CALN1: variants seen among roughly 807,000 people sequenced by gnomAD.
CALN1 encodes the protein calcium-binding protein 8.
In CALN1, 17 loss-of-function variants were observed where a neutral mutation model predicts 30.6. The ratio of observed to expected loss-of-function variants is 0.56; its 90% CI spans 0.38 to 0.83. The LOEUF (loss-of-function observed/expected upper bound fraction) is 0.83, where lower values mean the gene tolerates loss of function less well. CALN1 is among the 40% of genes least tolerant of loss of function. The probability of loss-of-function intolerance (pLI) is 0.00; values close to 1 mark genes in which losing one functional copy is unlikely to be tolerated. For synonymous variants in CALN1, 156 were observed against 131.4 expected (o/e 1.19, Z -1.28); for missense variants, 291 against 354.9 (o/e 0.82, Z 1.45).
At chr7:71,859,345 T>C (rs1791141132) in intron 5 of CALN1, among the ~76,000 whole-genome samples, 2 of 152,140 alleles carry the variant, frequency 1.3e-5, no homozygotes, top group Admixed American at 6.6e-5. Context: ...TTACAGCCAC[T>C]GTGGGCATCA....
intron 2 of CALN1, among the ~76,000 whole-genome samples, chr7:72,303,353 G>A (rs1195669477): frequency 2.6e-5 from 4 of 151,776 alleles, no homozygotes; most frequent in East Asian, 1.9e-4. Context: ...ATCTGAGGTC[G>A]GGAGTTCAAG....
intron 5 of CALN1, among the ~76,000 whole-genome samples, chr7:71,890,558 A>G (rs1793179324): frequency 6.6e-6 from 1 of 152,132 alleles, no homozygotes; most frequent in Non-Finnish European, 1.5e-5. Flanking sequence ...ACACATGCTC[A>G]TATAAAATAG....
chr7:72,171,388 G>T (rs1788949063), intron 3 of CALN1, among the ~76,000 whole-genome samples: 1 of 152,078 alleles, frequency 6.6e-6, no homozygotes, highest in Non-Finnish European at 1.5e-5. Context: ...GTCTTGACAG[G>T]CTCAGAGAGG....
intron 5 of CALN1, among the ~76,000 whole-genome samples, chr7:71,934,482 G>A (rs940088973): frequency 1.3e-5 from 2 of 152,202 alleles, no homozygotes; most frequent in Admixed American, 6.5e-5. Context: ...GAGACCTCAG[G>A]AAGCTTTTAC....
At chr7:72,503,442 T>G in the CALN1 span, among the ~76,000 whole-genome samples, 1 of 152,048 alleles carries the variant, frequency 6.6e-6, no homozygotes, top group African/African-American at 2.4e-5. Flanking sequence ...TCATAGGATT[T>G]CCACCAATCC....
chr7:72,399,469 C>T (rs1349455158), intron 2 of CALN1, among the ~76,000 whole-genome samples: 2 of 151,912 alleles, frequency 1.3e-5, no homozygotes, highest in Non-Finnish European at 2.9e-5. Context: ...TAGGGCTTCA[C>T]CATGTTGGCC....
intron 1 of CALN1, among the ~76,000 whole-genome samples, chr7:72,442,600 C>T (rs1392567871): frequency 1.3e-5 from 2 of 150,536 alleles, no homozygotes; most frequent in African/African-American, 4.9e-5. Flanking sequence ...TTAAGGGTTG[C>T]GCTTATTTAG....
chr7:72,130,233 T>C (rs967836790), intron 3 of CALN1, among the ~76,000 whole-genome samples: 4 of 152,196 alleles, frequency 2.6e-5, no homozygotes, highest in Admixed American at 2.6e-4. Flanking sequence ...CCTGTTTTCT[T>C]TATAAGCTAC....
chr7:72,254,629 G>A (rs1437869039), intron 3 of CALN1, among the ~76,000 whole-genome samples: 1 of 152,006 alleles, frequency 6.6e-6, no homozygotes, highest in Non-Finnish European at 1.5e-5. Context: ...TCACTCCGTT[G>A]TTTTTTTATT....
intron 4 of CALN1, among the ~76,000 whole-genome samples, chr7:72,101,867 T>G (rs1806692253): frequency 1.3e-5 from 2 of 152,150 alleles, no homozygotes; most frequent in Admixed American, 1.3e-4. Context: ...TGCCTAGAAT[T>G]AAGCTGCTTT....
At chr7:72,288,321 C>A (rs1798239268) in intron 2 of CALN1, among the ~76,000 whole-genome samples, 1 of 152,102 alleles carries the variant, frequency 6.6e-6, no homozygotes, top group African/African-American at 2.4e-5. Flanking sequence ...CTCCATAGGG[C>A]TTCTGAAGTG....
chr7:72,377,458 TGTGTG>T (rs1399339949), intron 2 of CALN1, among the ~76,000 whole-genome samples: 3 of 151,818 alleles, frequency 2.0e-5, no homozygotes, highest in Admixed American at 2.0e-4. Context: ...TGTGTGTGTG[TGTGTG>T]TGTGTGTGTG....
At chr7:71,866,975 T>C in intron 5 of CALN1, among the ~76,000 whole-genome samples, 1 of 151,978 alleles carries the variant, frequency 6.6e-6, no homozygotes, top group African/African-American at 2.4e-5. Context: ...TGAAACCCCG[T>C]CTCTACTAAA....
At chr7:72,294,461 A>G (rs1585390572) in intron 2 of CALN1, among the ~76,000 whole-genome samples, 2 of 152,054 alleles carry the variant, frequency 1.3e-5, no homozygotes, top group African/African-American at 4.8e-5. Flanking sequence ...AAATATAAAG[A>G]AAAACTGCCT....
intron 5 of CALN1, among the ~76,000 whole-genome samples, chr7:71,823,741 A>G (rs1788738842): frequency 6.6e-6 from 1 of 151,008 alleles, no homozygotes; most frequent in South Asian, 2.1e-4. Context: ...AAAAAAAATT[A>G]ATAAAAAGAA....
chr7:71,961,003 G>A (rs186420039), intron 5 of CALN1, among the ~76,000 whole-genome samples: 1 of 152,244 alleles, frequency 6.6e-6, no homozygotes, highest in Admixed American at 6.5e-5. Flanking sequence ...TTTTAGTAGA[G>A]ATGGGGTTTC....
At chr7:72,453,994 AT>A in the CALN1 span, among the ~76,000 whole-genome samples, 12 of 117,838 alleles carry the variant, frequency 1.0e-4, no homozygotes, top group Admixed American at 2.4e-4. Flanking sequence ...CAACCAAAAA[AT>A]ATATATATAT....
chr7:72,308,976 A>G (rs1347625326), intron 2 of CALN1, among the ~76,000 whole-genome samples: 1 of 152,230 alleles, frequency 6.6e-6, no homozygotes, highest in Admixed American at 6.5e-5. Context: ...AGGCAATTCT[A>G]GGCAATGTTA....
intron 4 of CALN1, among the ~76,000 whole-genome samples, chr7:72,036,226 C>T (rs1801790617): frequency 6.6e-6 from 1 of 152,210 alleles, no homozygotes; most frequent in Non-Finnish European, 1.5e-5. Context: ...ATCTTACTGA[C>T]AATCTCATAT....
Sources: allele counts gnomAD v4.1 joint callset (sites outside exome capture counted in the v4.1 genomes callset), GRCh38; gene constraint gnomAD v4.1.1; transcripts MANE v1.5; gene names NCBI Gene and HGNC (gene_info 2026-07-23, HGNC 2026-07-21).